DMD: variants seen among roughly 807,000 people sequenced by gnomAD.
The protein encoded by DMD is mutant dystrophin.
In DMD, 63 loss-of-function variants were observed where a neutral mutation model predicts 330.1. The ratio of observed to expected loss-of-function variants is 0.19; its 90% CI spans 0.16 to 0.24. The LOEUF (loss-of-function observed/expected upper bound fraction) is 0.24, where lower values mean the gene tolerates loss of function less well. DMD is among the 10% of genes least tolerant of loss of function. The pLI, the probability that DMD is intolerant of heterozygous loss-of-function variation, is 1.00. For missense variants in DMD, 3,344 were observed against 2,684.1 expected, an observed-to-expected ratio of 1.25 and a Z score of -5.43; for synonymous variants, 1,223 against 959.8, an observed-to-expected ratio of 1.27 and a Z score of -5.07.
chrX:32,701,269 T>A (rs2064106727), intron 7 of DMD, among the ~76,000 whole-genome samples: 1 of 112,238 alleles, frequency 8.9e-6, no homozygotes, highest in African/African-American at 3.2e-5. Context: ...ATTCATTTAT[T>A]CAAATGATAT....
chrX:32,411,203 T>C (rs1240744335), intron 30 of DMD, among the ~76,000 whole-genome samples: 1 of 111,713 alleles, frequency 9.0e-6, no homozygotes, highest in East Asian at 2.8e-4. Flanking sequence ...CAATCTCGGC[T>C]CACTGCAACC....
intron 52 of DMD, 22 bp from the exon 53 acceptor site, chrX:31,679,608 A>G: frequency 8.7e-7 from 1 of 1,152,237 alleles, no homozygotes. Context: ...GGAAAAATAA[A>G]TATATAGTAG....
chrX:32,782,792 G>T (rs112929439), intron 7 of DMD, among the ~76,000 whole-genome samples: 1 of 109,193 alleles, frequency 9.2e-6, no homozygotes, highest in Non-Finnish European at 1.9e-5. Context: ...AATGCTTGAG[G>T]TGACATGCTA....
Position 33,333,801 on chromosome X carries a change from T to C in DMD, c.7+5458A>G, listed in dbSNP as rs755597725. 1.3e-4 allele frequency among the ~76,000 whole-genome samples: 14 copies of C among 111,505 alleles called. No homozygotes were observed. The South Asian group carries it at 5.2e-3, about 41-fold the overall frequency. On this transcript the variant is annotated intron_variant, in intron 1 of 17. Coordinates refer to the DMD transcript ENST00000288447. Reference sequence around the variant, plus strand: ...TAAATTTAGCATGTCTTATCAATCATTTACTAAAACCCTTAACTGTTCTTT... The same window carrying C: ...TAAATTTAGCATGTCTTATCAATCACTTACTAAAACCCTTAACTGTTCTTT...
At chrX:32,116,419 G>C (rs1215700916) in intron 44 of DMD, among the ~76,000 whole-genome samples, 1 of 112,139 alleles carries the variant, frequency 8.9e-6, no homozygotes, top group African/African-American at 3.2e-5. Context: ...CTCACTACTA[G>C]AGTGTAAGTT....
intron 55 of DMD, among the ~76,000 whole-genome samples, chrX:31,611,544 T>C (rs775887973): frequency 4.5e-5 from 5 of 112,241 alleles, no homozygotes; most frequent in African/African-American, 1.3e-4. Flanking sequence ...CATTTTTGTA[T>C]TGTGGCAAAA....
chrX:31,483,240 G>A (rs896825122), intron 57 of DMD, among the ~76,000 whole-genome samples: 1 of 108,312 alleles, frequency 9.2e-6, no homozygotes, highest in African/African-American at 3.4e-5. Flanking sequence ...TAGAGACGGG[G>A]TTTCACCGTG....
intron 52 of DMD, among the ~76,000 whole-genome samples, chrX:31,679,881 C>A (rs1244424915): frequency 8.9e-6 from 1 of 111,916 alleles, no homozygotes; most frequent in Non-Finnish European, 1.9e-5. Context: ...AGCACTACAG[C>A]AGAATATCCA....
At chrX:33,229,033 C>T (rs62591018) in intron 1 of DMD, among the ~76,000 whole-genome samples, 7,534 of 110,273 alleles carry the variant, frequency 0.068, 253 homozygotes, top group South Asian at 0.15. Context: ...AATGTCTCTT[C>T]GTGCCTTTGG....
chrX:31,138,041 G>C (rs2035480058), intron 76 of DMD, among the ~76,000 whole-genome samples: 1 of 111,953 alleles, frequency 8.9e-6, no homozygotes, highest in South Asian at 3.8e-4. Flanking sequence ...CCCTGGCCTG[G>C]GGATTCGGAT....
rs2078925076 is a variant in DMD at position 31,627,808 on chromosome X, G to A, written c.8082C>T (p.Phe2694=). ...CAAGAAACTTTTCCAGGTCCAGGGG[G>A]AACTGTTGCAGTAATCTATGAGTTT... The part of the protein sequence containing the change: ...LEETHRLLQQ[F]PLDLEKFLAW... Residue 2694 remains phenylalanine, a synonymous_variant, in exon 55 of 79, where the codon TTC becomes TTT. Coordinates refer to ENST00000357033, the MANE Select transcript of DMD (RefSeq NM_004006.3). 8.3e-7 allele frequency: 1 copy of A among 1,210,705 alleles called. No homozygotes were observed. The highest frequency in any genetic ancestry group is 1.1e-6 in the Non-Finnish European group (1 of 895,050).
At chrX:31,638,453 C>T (rs1018418431) in intron 54 of DMD, among the ~76,000 whole-genome samples, 1 of 112,187 alleles carries the variant, frequency 8.9e-6, no homozygotes, top group African/African-American at 3.2e-5. Flanking sequence ...CCATCACCAC[C>T]TGACACTGGT....
At chrX:31,885,974 A>G (rs997405951) in intron 47 of DMD, among the ~76,000 whole-genome samples, 1 of 111,096 alleles carries the variant, frequency 9.0e-6, no homozygotes, top group Non-Finnish European at 1.9e-5. Context: ...TATAATTGTG[A>G]TAAGCATCTT....
chrX:32,776,635 G>A (rs2074176143), intron 7 of DMD, among the ~76,000 whole-genome samples: 1 of 110,946 alleles, frequency 9.0e-6, no homozygotes, highest in Non-Finnish European at 1.9e-5. Context: ...AGAAGAGCAT[G>A]GGGACAACCG....
At chrX:32,902,158 AACACACACACACACACACACACAC>A (rs774414536) in intron 2 of DMD, among the ~76,000 whole-genome samples, 1 of 86,638 alleles carries the variant, frequency 1.2e-5, no homozygotes, top group African/African-American at 4.6e-5. Flanking sequence ...CACACACACA[AACACACACACACACACACACACAC>A]ACACACACAC....
At chrX:33,210,284 A>G (rs2148860600) in intron 1 of DMD, among the ~76,000 whole-genome samples, 1 of 109,270 alleles carries the variant, frequency 9.2e-6, no homozygotes, top group Admixed American at 9.8e-5. Flanking sequence ...TTATTTTTTC[A>G]TTCTTAATTA....
At chrX:33,291,084 G>T (rs1203500849) in intron 1 of DMD, among the ~76,000 whole-genome samples, 2 of 111,165 alleles carry the variant, frequency 1.8e-5, no homozygotes, top group Non-Finnish European at 3.8e-5. Flanking sequence ...TCATCCCTGG[G>T]AAGCAAGGCT....
At chrX:31,929,456 G>A (rs1408999264) in intron 47 of DMD, 140 bp downstream of exon 47, 3 of 705,108 alleles carry the variant, frequency 4.3e-6, no homozygotes, top group Non-Finnish European at 6.5e-6. Flanking sequence ...CAAAGCAAAC[G>A]GTCAGGTTAA....
chrX:32,882,595 T>C (rs1463585940), intron 2 of DMD, among the ~76,000 whole-genome samples: 1 of 112,280 alleles, frequency 8.9e-6, no homozygotes, highest in Non-Finnish European at 1.9e-5. Context: ...AATATAGATA[T>C]ACTTCAGTAC....
Sources: allele counts gnomAD v4.1 joint callset (sites outside exome capture counted in the v4.1 genomes callset), GRCh38; gene constraint gnomAD v4.1.1; transcripts MANE v1.5; gene names NCBI Gene and HGNC (gene_info 2026-07-23, HGNC 2026-07-21).